The following CCBE1 variants were observed in gnomAD, a reference collection of about 807,000 sequenced individuals.
CCBE1 encodes collagen and calcium-binding EGF domain-containing protein 1.
A neutral mutation model predicts 50.0 loss-of-function variants in CCBE1; 37 were observed. That is an observed-to-expected ratio of 0.74 (90% CI 0.57 to 0.97). The LOEUF is 0.97. CCBE1 is among the 50% of genes least tolerant of loss of function. The pLI is 0.00. For missense variants in CCBE1, 538 were observed against 523.8 expected, an observed-to-expected ratio of 1.03 and a Z score of -0.26; for synonymous variants, 234 against 203.7, an observed-to-expected ratio of 1.15 and a Z score of -1.27.
At chr18:59,696,849 G>T (rs565500660) in intron 1 of CCBE1, 140 bp from the exon 2 acceptor site, 29 of 943,906 alleles carry the variant, frequency 3.1e-5, no homozygotes, top group South Asian at 2.8e-4. Context: ...CCCCAAACGC[G>T]TACGCGGGGC....
intron 2 of CCBE1, among the ~76,000 whole-genome samples, chr18:59,573,312 TG>T (rs1568213406): frequency 2.8e-5 from 4 of 141,596 alleles, no homozygotes; most frequent in African/African-American, 5.2e-5. Context: ...TGTATGTATG[TG>T]ATAGGCCTCA....
At chr18:59,489,166 A>G (rs1042190144) in intron 2 of CCBE1, among the ~76,000 whole-genome samples, 5 of 152,238 alleles carry the variant, frequency 3.3e-5, no homozygotes, top group Non-Finnish European at 7.3e-5. Flanking sequence ...GATTAAAGGC[A>G]TATGATTGGT....
intron 4 of CCBE1, among the ~76,000 whole-genome samples, chr18:59,468,044 T>C (rs1303224141): frequency 2.6e-5 from 4 of 152,072 alleles, no homozygotes; most frequent in Non-Finnish European, 5.9e-5. Context: ...GAGATAGAAA[T>C]AGAACTCTTA....
At chr18:59,473,030 G>A (rs904524261) in intron 3 of CCBE1, among the ~76,000 whole-genome samples, 4 of 152,232 alleles carry the variant, frequency 2.6e-5, no homozygotes, top group South Asian at 2.1e-4. Flanking sequence ...CCCTTGACAC[G>A]TGGGGATTAT....
At chr18:59,583,654 C>CGTGTGTGT (rs752150539) in intron 2 of CCBE1, among the ~76,000 whole-genome samples, 202 of 142,214 alleles carry the variant, frequency 1.4e-3, no homozygotes, top group African/African-American at 4.8e-3. Context: ...CACTGCTTTG[C>CGTGTGTGT]GTGTGTGTGT....
At chr18:59,539,232 G>C (rs963004785) in intron 2 of CCBE1, among the ~76,000 whole-genome samples, 11 of 151,642 alleles carry the variant, frequency 7.3e-5, no homozygotes, top group African/African-American at 2.7e-4. Context: ...AGAAAATAAT[G>C]ACAGACCGTG....
chr18:59,496,111 G>T (rs192790664), intron 2 of CCBE1, among the ~76,000 whole-genome samples: 15 of 152,264 alleles, frequency 9.9e-5, no homozygotes, highest in African/African-American at 3.4e-4. Context: ...AAGAGATAGT[G>T]CCTTGGTGTC....
intron 2 of CCBE1, among the ~76,000 whole-genome samples, chr18:59,506,312 C>T (rs937572335): frequency 1.3e-5 from 2 of 152,186 alleles, no homozygotes; most frequent in Non-Finnish European, 1.5e-5. Flanking sequence ...CCTCTGGAGC[C>T]TCCAGAAGGA....
intron 2 of CCBE1, among the ~76,000 whole-genome samples, chr18:59,575,851 A>G (rs929790041): frequency 6.6e-6 from 1 of 152,206 alleles, no homozygotes; most frequent in African/African-American, 2.4e-5. Context: ...CCAATTTTGC[A>G]TAGATGGAGT....
intron 2 of CCBE1, among the ~76,000 whole-genome samples, chr18:59,654,570 G>A (rs759771125): frequency 6.6e-6 from 1 of 152,114 alleles, no homozygotes; most frequent in Non-Finnish European, 1.5e-5. Flanking sequence ...GTTGCAGTGA[G>A]CCGAGATCGC....
At chr18:59,547,391 G>GA (rs1266043952) in intron 2 of CCBE1, among the ~76,000 whole-genome samples, 1 of 152,100 alleles carries the variant, frequency 6.6e-6, no homozygotes, top group Non-Finnish European at 1.5e-5. Context: ...TGATTTGGGG[G>GA]ATAAGACAAA....
chr18:59,533,871 T>C (rs1915142818), intron 2 of CCBE1, among the ~76,000 whole-genome samples: 1 of 152,234 alleles, frequency 6.6e-6, no homozygotes, highest in South Asian at 2.1e-4. Flanking sequence ...ATGTATACAA[T>C]ATGCGTGAAA....
intron 2 of CCBE1, among the ~76,000 whole-genome samples, chr18:59,587,920 C>G (rs925404571): frequency 3.3e-5 from 5 of 151,840 alleles, no homozygotes; most frequent in Non-Finnish European, 5.9e-5. Context: ...TAGCAAGGAG[C>G]CAGCAATAAG....
chr18:59,697,368 G>A lies in CCBE1; in HGVS notation c.-26C>T. The stretch of plus-strand genomic sequence containing the variant: ...CAGGGAAGCTCCCGGCTTCTTCCCA[G>A]CGCCGAGCTCCGTCCGGACCAAGCG... On this transcript the variant is annotated 5_prime_UTR_variant, in exon 1 of 11. Transcript: ENST00000439986. The A allele has an allele frequency of 6.5e-7, 1 of 1,542,468 alleles. No individual in the cohort carries two copies. Among genetic ancestry groups the A allele is most frequent in the Non-Finnish European group, 8.7e-7 (1 of 1,146,034 alleles).
chr18:59,475,088 T>G (rs1912242793), intron 3 of CCBE1, among the ~76,000 whole-genome samples: 1 of 152,238 alleles, frequency 6.6e-6, no homozygotes, highest in Admixed American at 6.5e-5. Context: ...TTTTTGATGC[T>G]TGTTCCCCAG....
chr18:59,658,788 G>A (rs948922261), intron 2 of CCBE1, among the ~76,000 whole-genome samples: 1 of 135,880 alleles, frequency 7.4e-6, no homozygotes, highest in Non-Finnish European at 1.5e-5. Flanking sequence ...GCTGAGGCAG[G>A]AAAATCCCTT....
At chr18:59,525,352 C>T (rs1380984921) in intron 2 of CCBE1, among the ~76,000 whole-genome samples, 1 of 152,216 alleles carries the variant, frequency 6.6e-6, no homozygotes, top group Non-Finnish European at 1.5e-5. Flanking sequence ...TGCTCATATA[C>T]TTGTTGGCCA....
chr18:59,605,303 T>C (rs997500202), intron 2 of CCBE1, among the ~76,000 whole-genome samples: 20 of 152,326 alleles, frequency 1.3e-4, no homozygotes, highest in African/African-American at 4.6e-4. Context: ...CTTTCCTCTA[T>C]TTGCTGAAAG....
At chr18:59,695,630 G>C (rs2054794760) in intron 2 of CCBE1, among the ~76,000 whole-genome samples, 1 of 152,224 alleles carries the variant, frequency 6.6e-6, no homozygotes, top group Non-Finnish European at 1.5e-5. Flanking sequence ...GCTCTCACCT[G>C]CAAGAAACGC....
Sources: gnomAD v4.1 joint callset for allele counts (sites outside exome capture counted in the v4.1 genomes callset) on GRCh38, gnomAD v4.1.1 for gene constraint, MANE v1.5 for transcripts, NCBI Gene and HGNC (gene_info 2026-07-23, HGNC 2026-07-21) for gene names.